INSYN2A: variants seen among roughly 807,000 people sequenced by gnomAD.
The protein encoded by INSYN2A is inhibitory synaptic factor 2A.
In INSYN2A, 17 loss-of-function variants were observed where a neutral mutation model predicts 39.4. The observed-to-expected ratio is 0.43, with a 90% confidence interval of 0.30 to 0.65. INSYN2A has a LOEUF of 0.65. INSYN2A is among the 30% of genes least tolerant of loss of function. The pLI is 0.14. For synonymous variants in INSYN2A, 255 were observed against 265.7 expected, an observed-to-expected ratio of 0.96 and a Z score of 0.39; for missense variants, 595 against 631.2, an observed-to-expected ratio of 0.94 and a Z score of 0.61.
chr10:127,159,969 G>A (rs1457723032), intron 4 of INSYN2A, among the ~76,000 whole-genome samples: 1 of 152,152 alleles, frequency 6.6e-6, no homozygotes, highest in Non-Finnish European at 1.5e-5. Context: ...TGTTAGGAAG[G>A]GTGTTGAGAA....
At chr10:127,195,266 C>T (rs537572192) in intron 1 of INSYN2A, among the ~76,000 whole-genome samples, 10 of 152,264 alleles carry the variant, frequency 6.6e-5, no homozygotes, top group African/African-American at 2.2e-4. Context: ...CCGCGGGCTC[C>T]CTCCTCCCTC....
chr10:127,157,620 A>G (rs1401384075), intron 4 of INSYN2A, among the ~76,000 whole-genome samples: 1 of 152,200 alleles, frequency 6.6e-6, no homozygotes, highest in Non-Finnish European at 1.5e-5. Flanking sequence ...GTAAGAACCA[A>G]AGGAGTCATT....
chr10:127,186,506 C>CG (rs1564883615), intron 2 of INSYN2A, among the ~76,000 whole-genome samples: 1 of 19,176 alleles, frequency 5.2e-5, no homozygotes, highest in African/African-American at 1.9e-4. Context: ...TGGGAGAAAC[C>CG]GCCCCCCCGC....
At chr10:127,192,802 A>G (rs1430423792) in intron 1 of INSYN2A, 72 bp from the exon 2 acceptor site, 1 of 152,240 alleles carries the variant, frequency 6.6e-6, no homozygotes, top group South Asian at 2.1e-4. Flanking sequence ...TGCTTAACAC[A>G]AGACATTGTC....
intron 5 of INSYN2A, among the ~76,000 whole-genome samples, chr10:127,146,777 A>G (rs2051901399): frequency 6.6e-6 from 1 of 152,208 alleles, no homozygotes; most frequent in Non-Finnish European, 1.5e-5. Context: ...TAATCGCTGA[A>G]TGACAAAGGC....
In INSYN2A at chr10:127,176,119, G is replaced by C. The variant is rs779113272; in HGVS notation, c.277C>G (p.Arg93Gly). The change falls in exon 4 of 6, where the codon CGC becomes GGC. Residue 93 changes from arginine to glycine, a missense_variant. Physicochemically the swap from Arg to Gly is moderately radical, Grantham distance 125 (BLOSUM62 -2). This residue lies in a region of INSYN2A where 478 missense variants were observed against 467.4 expected (regional missense o/e 1.02). Transcript: ENST00000522781. This position sits in a 1 kb window ranked among gnomAD's most constrained non-coding sequence, Gnocchi z 4.4. ...AYRKYMTVPA[R>G]RSIPNVTKST... ...TTGGTGACGTTGGGGATGGACCTGC[G>C]TGCGGGCACTGTCATGTATTTGCGG... 6.2e-7 allele frequency: 1 copy of C among 1,614,130 alleles called. No homozygotes were observed. The highest frequency in any genetic ancestry group is 1.3e-5 in the African/African-American group (1 of 75,030).
At chr10:127,160,878 G>A (rs11016546) in intron 4 of INSYN2A, among the ~76,000 whole-genome samples, 517 of 152,290 alleles carry the variant, frequency 3.4e-3, no homozygotes, top group African/African-American at 7.5e-3. Context: ...CCAGGTTTGT[G>A]CACTAGCTGT....
At chr10:127,182,613 T>C (rs1401447393) in intron 2 of INSYN2A, among the ~76,000 whole-genome samples, 4 of 152,260 alleles carry the variant, frequency 2.6e-5, no homozygotes, top group Non-Finnish European at 4.4e-5. Flanking sequence ...CTGGAAAATA[T>C]GCCTCCTTGA....
At chr10:127,153,272 G>A (rs2052690520) in intron 5 of INSYN2A, among the ~76,000 whole-genome samples, 1 of 152,200 alleles carries the variant, frequency 6.6e-6, no homozygotes, top group Non-Finnish European at 1.5e-5. Context: ...GCCAAACACA[G>A]CTTCTTCCTG....
chr10:127,137,811 C>T lies in INSYN2A; in HGVS notation c.*26G>A, dbSNP rs1592167145. 2 of 1,595,134 alleles carry T rather than the reference C, an allele frequency of 1.3e-6. No individual in the cohort carries two copies. The highest frequency in any genetic ancestry group is 8.5e-7 in the Non-Finnish European group (1 of 1,172,292). On this transcript the variant is annotated 3_prime_UTR_variant, in exon 6 of 6. Coordinates refer to ENST00000522781, the MANE Select transcript of INSYN2A (RefSeq NM_001039762.3). ...AAACTCCAGTGGGTTCTAAAGACGG[C>T]CTCGAGACTCCAGACACCGTGAGTG...
rs76646118 is a variant in INSYN2A at position 127,176,323 on chromosome 10, C to T, written c.73G>A (p.Ala25Thr). ...ESEVEPAACLALEMKYALDPN... is the reference protein window; with the variant it reads ...ESEVEPAACLTLEMKYALDPN... The stretch of plus-strand genomic sequence containing the variant: ...TCCAGGGCGTATTTCATCTCCAGGG[C>T]CAGGCAGGCGGCGGGTTCCACTTCA... The change falls in exon 4 of 6, where the codon GCC becomes ACC. Residue 25 changes from alanine to threonine, a missense_variant. Transcript: ENST00000522781. This position sits in a 1 kb window ranked among gnomAD's most constrained non-coding sequence, Gnocchi z 4.4. 1 of 1,613,996 alleles carries T rather than the reference C, an allele frequency of 6.2e-7. No individual in the cohort carries two copies. Among genetic ancestry groups the T allele is most frequent in the Non-Finnish European group, 8.5e-7 (1 of 1,179,998 alleles).
chr10:127,188,690 TAGCCCAGAACTCTGGGCA>T (rs1271209872), intron 2 of INSYN2A, among the ~76,000 whole-genome samples: 12 of 152,176 alleles, frequency 7.9e-5, no homozygotes, highest in Admixed American at 2.6e-4. Flanking sequence ...CTCCACTTAA[TAGCCCAGAACTCTGGGCA>T]AGTGATCTAA....
rs12358752 is a variant in INSYN2A, at chr10:127,147,979, C to A, written c.1256+5873G>T. 7.7e-3 allele frequency among the ~76,000 whole-genome samples: 1,100 copies of A among 142,890 alleles called. 5 individuals are homozygous for A. The highest frequency in any genetic ancestry group is 0.013 in the Admixed American group (178 of 13,434). The allele number at this position is 142,890 out of a possible 152,430, so 93.7% of individuals were successfully genotyped here. On this transcript the variant is annotated intron_variant, in intron 5 of 5. Coordinates refer to ENST00000522781, the MANE Select transcript of INSYN2A (RefSeq NM_001039762.3). The stretch of plus-strand genomic sequence containing the variant: ...CCAGGAGGAGGAGGGTGCAGTGAGC[C>A]GAGATTGCACCACTGCACTCCAGCC...
In INSYN2A at chr10:127,153,747, C is replaced by G. The variant is rs1203582665; in HGVS notation, c.1256+105G>C. On this transcript the variant is annotated intron_variant, in intron 5 of 5. Transcript: ENST00000522781. ...TCAAGTAAGGTCCTTCACTTTTTGTCTGATAGAATCATCCCAGCATGGCCC... is the reference window on the plus strand; with the variant it reads ...TCAAGTAAGGTCCTTCACTTTTTGTGTGATAGAATCATCCCAGCATGGCCC... The G allele has an allele frequency of 5.8e-6, 5 of 854,884 alleles. No individual in the cohort carries two copies. The African/African-American group carries it at 8.5e-5, about 15-fold the overall frequency. 53.0% of individuals were successfully genotyped at this position (854,884 alleles called of 1,614,324 possible). A position where few individuals can be genotyped will look rare whatever the true frequency, so the allele number is the denominator to read the frequency against.
chr10:127,162,590 C>T (rs1005083762), intron 4 of INSYN2A, among the ~76,000 whole-genome samples: 3 of 152,202 alleles, frequency 2.0e-5, no homozygotes, highest in African/African-American at 7.2e-5. Flanking sequence ...TCCCATTCCC[C>T]TAAAGCCAGG....
Position 127,175,534 on chromosome 10 carries a change from G to T in INSYN2A, c.862C>A (p.Arg288=). The part of the protein sequence containing the change: ...QWSLCPADDE[R]RRATHLNGLQ... The stretch of plus-strand genomic sequence containing the variant: ...CCGTTGAGATGTGTGGCTCTCCTCC[G>T]CTCGTCATCTGCCGGGCAGAGTGAC... Residue 288 remains arginine, a synonymous_variant, in exon 4 of 6, where the codon CGG becomes AGG. Transcript: ENST00000522781. This position sits in a 1 kb window ranked among gnomAD's most constrained non-coding sequence, Gnocchi z 6.3. 1.2e-6 allele frequency: 2 copies of T among 1,610,276 alleles called. No individual in the cohort carries two copies.
intron 5 of INSYN2A, among the ~76,000 whole-genome samples, chr10:127,149,220 C>T (rs2052224382): frequency 6.6e-6 from 1 of 152,176 alleles, no homozygotes; most frequent in South Asian, 2.1e-4. Flanking sequence ...TCCCTTAGTG[C>T]AACCCCAGAG....
chr10:127,154,057 C>G (rs1291495282), intron 4 of INSYN2A, 134 bp from the exon 5 acceptor site: 2 of 654,724 alleles, frequency 3.1e-6, no homozygotes, highest in African/African-American at 3.6e-5. Flanking sequence ...ATGCATGCTT[C>G]CCAGTTTGCT....
chr10:127,187,283 A>G (rs944187939), intron 2 of INSYN2A, among the ~76,000 whole-genome samples: 5 of 152,250 alleles, frequency 3.3e-5, no homozygotes, highest in African/African-American at 1.2e-4. Flanking sequence ...GCTTGTGGAA[A>G]AGAGAAAGAG....
Sources: allele counts gnomAD v4.1 joint callset (sites outside exome capture counted in the v4.1 genomes callset), GRCh38; gene constraint gnomAD v4.1.1; regional missense constraint gnomAD v4.1.1; non-coding constraint Gnocchi (gnomAD v3.1); transcripts MANE v1.5; gene names NCBI Gene and HGNC (gene_info 2026-07-23, HGNC 2026-07-21).